Variants in HOXA3 observed in about 807,000 individuals in gnomAD.
HOXA3 encodes homeobox protein Hox-A3.
Under a neutral mutation model 30.3 loss-of-function variants are expected in HOXA3, and 8 were observed. The observed-to-expected ratio is 0.26, with a 90% confidence interval of 0.15 to 0.48. The LOEUF (loss-of-function observed/expected upper bound fraction) is 0.48, where lower values mean the gene tolerates loss of function less well. Among genes scored for constraint, HOXA3 ranks in the 20% least tolerant of loss-of-function variants. The pLI is 0.99. For missense variants in HOXA3, 653 were observed against 614.4 expected, an observed-to-expected ratio of 1.06 and a Z score of -0.66; for synonymous variants, 323 against 273.1, an observed-to-expected ratio of 1.18 and a Z score of -1.80.
chr7:27,117,836 C>T (rs1784803134), intron 4 of HOXA3, among the ~76,000 whole-genome samples: 1 of 151,992 alleles, frequency 6.6e-6, no homozygotes, highest in Non-Finnish European at 1.5e-5. Context: ...ACCCTCTTTC[C>T]GCCTGGGGAT....
At chr7:27,129,285 G>C (rs1215667313) in intron 2 of HOXA3, 1 of 1,613,952 alleles carries the variant, frequency 6.2e-7, no homozygotes, top group Admixed American at 1.7e-5. Flanking sequence ...GGAGGTGTGG[G>C]CTCTGAGTTT....
At position 27,113,316 on chromosome 7, in the gene HOXA3, C is replaced by G. The variant is rs1784480878; in HGVS notation, c.-120-2556G>C. Among the ~76,000 whole-genome samples, 1 of 152,224 alleles carries G rather than the reference C, an allele frequency of 6.6e-6. No homozygotes were observed. Among genetic ancestry groups the G allele is most frequent in the Non-Finnish European group, 1.5e-5 (1 of 68,044 alleles). On this transcript the variant is annotated intron_variant, in intron 4 of 5. Transcript: ENST00000612286. The surrounding 1 kb of genome is among the most constrained non-coding windows in gnomAD (Gnocchi z 4.8). ...CATCGCTCCCTCTTCCCATTCCCTC[C>G]TCTTTCTTAGCCTTCCCTCACCCCA...
At chr7:27,139,219 G>C (rs1397431926) in intron 2 of HOXA3, among the ~76,000 whole-genome samples, 1 of 152,206 alleles carries the variant, frequency 6.6e-6, no homozygotes, top group South Asian at 2.1e-4. Flanking sequence ...CGGCCATAAA[G>C]TTTATTGCTT....
chr7:27,125,006 T>C (rs1003438802), intron 3 of HOXA3, among the ~76,000 whole-genome samples: 7 of 152,146 alleles, frequency 4.6e-5, no homozygotes, highest in Non-Finnish European at 7.4e-5. Flanking sequence ...CTAGGGTGGC[T>C]TGGTTACAAA....
chr7:27,122,884 C>G (rs905035072), intron 3 of HOXA3: 1 of 149,044 alleles, frequency 6.7e-6, no homozygotes, highest in African/African-American at 2.5e-5. Flanking sequence ...TCTCCACACC[C>G]ATACTTTCTC....
intron 4 of HOXA3, among the ~76,000 whole-genome samples, chr7:27,112,569 C>T (rs1223401613): frequency 1.3e-5 from 2 of 152,172 alleles, no homozygotes; most frequent in Non-Finnish European, 2.9e-5. Context: ...GCTACACATA[C>T]CATGGTTGAA....
intron 4 of HOXA3, among the ~76,000 whole-genome samples, chr7:27,114,433 C>T (rs1784561044): frequency 6.6e-6 from 1 of 151,598 alleles, no homozygotes; most frequent in Admixed American, 6.6e-5. Context: ...AACTCCCAAA[C>T]AGATCTTTGG....
Position 27,108,167 on chromosome 7 carries a change from T to G in HOXA3, c.1080A>C (p.Ile360=). Residue 360 remains isoleucine (I), a synonymous_variant, in exon 6 of 6, where the codon ATA becomes ATC. Coordinates refer to ENST00000612286, the MANE Select transcript of HOXA3 (RefSeq NM_153631.3). The surrounding 1 kb of genome is among the most constrained non-coding windows in gnomAD (Gnocchi z 5.0). ...CCCCCACGAAGACGGGGCTTCCCTGTATGTGTGGGGTCCCATAGCTGCCGT... is the reference window on the plus strand; with the variant it reads ...CCCCCACGAAGACGGGGCTTCCCTGGATGTGTGGGGTCCCATAGCTGCCGT... ...QGNGSYGTPH[I]QGSPVFVGGS... 6.4e-7 allele frequency: 1 copy of G among 1,571,726 alleles called. No individual in the cohort carries two copies. Among genetic ancestry groups the G allele is most frequent in the African/African-American group, 1.4e-5 (1 of 73,752 alleles).
At chr7:27,150,743 T>C in intron 1 of HOXA3, 1 of 152,746 alleles carries the variant, frequency 6.5e-6, no homozygotes. Context: ...GTCTCCATGG[T>C]GCTGGAGTGG....
At chr7:27,132,498 T>C (rs1358107139) in intron 2 of HOXA3, among the ~76,000 whole-genome samples, 2 of 152,222 alleles carry the variant, frequency 1.3e-5, no homozygotes, top group Non-Finnish European at 2.9e-5. Context: ...GGGGATCATA[T>C]TAGCTTTCTA....
At chr7:27,141,720 A>C in intron 1 of HOXA3, 3 of 1,329,796 alleles carry the variant, frequency 2.3e-6, no homozygotes. Context: ...GAATTAGGGC[A>C]ACGAGAACAG....
rs372586339 is a variant in HOXA3, at chr7:27,147,216, C to G, written c.-494+5072G>C. The G allele has an allele frequency of 4.2e-5, 53 of 1,256,846 alleles. No individual in the cohort carries two copies. In the East Asian group the frequency reaches 8.4e-4, roughly 20 times the overall value. The allele number at this position is 1,256,846 out of a possible 1,614,324, so 77.9% of individuals were successfully genotyped here. On this transcript the variant is annotated intron_variant, in intron 1 of 5. Coordinates refer to ENST00000612286, the MANE Select transcript of HOXA3 (RefSeq NM_153631.3). ...GCTGGTTCTTTCATCCTTTCTTTCT[C>G]TCTATTCCTCTTTCTACTCTGTTTC...
intron 2 of HOXA3, among the ~76,000 whole-genome samples, chr7:27,135,945 G>C (rs907394946): frequency 1.3e-5 from 2 of 152,204 alleles, no homozygotes; most frequent in African/African-American, 2.4e-5. Flanking sequence ...CTCTTGAAAA[G>C]AGGAATTTTC....
In HOXA3 at chr7:27,130,464, G is replaced by A. The variant is rs775325420; in HGVS notation, c.-389-3394C>T. ...CGGTGTCCGCGGCCCCATGCGCGGGGTACAGCGCGGCAGCAGGGTAGGCGG... is the reference window on the plus strand; with the variant it reads ...CGGTGTCCGCGGCCCCATGCGCGGGATACAGCGCGGCAGCAGGGTAGGCGG... On this transcript the variant is annotated intron_variant, in intron 2 of 5. Transcript: ENST00000612286. 15 of 1,248,206 alleles carry A rather than the reference G, an allele frequency of 1.2e-5. No individual in the cohort carries two copies. The South Asian group carries it at 4.1e-4, about 34-fold the overall frequency. The allele number at this position is 1,248,206 out of a possible 1,614,324, so 77.3% of individuals were successfully genotyped here. A position where few individuals can be genotyped will look rare whatever the true frequency, so the allele number is the denominator to read the frequency against.
In HOXA3 at chr7:27,148,358, C is replaced by T. The variant is rs113283242; in HGVS notation, c.-494+3930G>A. 8.9e-3 allele frequency among the ~76,000 whole-genome samples: 1,358 copies of T among 152,386 alleles called. 9 individuals are homozygous for T. Among genetic ancestry groups the T allele is most frequent in the Non-Finnish European group, 0.016 (1,069 of 68,044 alleles). ...GAGCTGGAGCAAGGGCCATGAGAAA[C>T]CAGGCCTTCACTCTATGCTCTTCAC... is the stretch of plus-strand genomic sequence containing the variant. On this transcript the variant is annotated intron_variant, in intron 1 of 5. Transcript: ENST00000612286.
chr7:27,137,285 T>C (rs1027733474), intron 2 of HOXA3, among the ~76,000 whole-genome samples: 2 of 152,168 alleles, frequency 1.3e-5, no homozygotes, highest in Non-Finnish European at 2.9e-5. Flanking sequence ...TGGCATAATG[T>C]TGTGAAATTA....
intron 1 of HOXA3, among the ~76,000 whole-genome samples, chr7:27,144,328 G>A (rs907989702): frequency 8.5e-5 from 13 of 152,184 alleles, no homozygotes; most frequent in African/African-American, 3.1e-4. Flanking sequence ...CTGTTTTTGC[G>A]AGCGCATGAG....
At position 27,126,125 on chromosome 7, in the gene HOXA3, A is replaced by G. The variant is rs114695470; in HGVS notation, c.-205+761T>C. Among the ~76,000 whole-genome samples, 290 of 152,318 alleles carry G rather than the reference A, an allele frequency of 1.9e-3. 1 individual carries two copies. Among genetic ancestry groups the G allele is most frequent in the African/African-American group, 6.6e-3 (273 of 41,554 alleles). ...TAATAAAACACCGGGTATATCATAG[A>G]TTTCAGCAAAACTAGGGAAGGAAGC... On this transcript the variant is annotated intron_variant, in intron 3 of 5. Transcript: ENST00000612286.
rs149404500 is a variant in HOXA3, at chr7:27,151,701, C to T, written c.-494+587G>A. On this transcript the variant is annotated intron_variant, in intron 1 of 5. Transcript: ENST00000612286. ...GAATTAGTAAGTTTTTCTGTTTCCC[C>T]CTTCTACCTTTCTCTCTGAAACCAA... 88 of 456,564 alleles carry T rather than the reference C, an allele frequency of 1.9e-4. No individual in the cohort carries two copies. The East Asian group carries it at 3.3e-3, about 17-fold the overall frequency. The allele number at this position is 456,564 out of a possible 1,614,324, so 28.3% of individuals were successfully genotyped here.
Sources: gnomAD v4.1 joint callset for allele counts (sites outside exome capture counted in the v4.1 genomes callset) on GRCh38, gnomAD v4.1.1 for gene constraint, Gnocchi (gnomAD v3.1) non-coding constraint, MANE v1.5 for transcripts, NCBI Gene and HGNC (gene_info 2026-07-23, HGNC 2026-07-21) for gene names.